The following CHM variants were observed in gnomAD, a reference collection of about 807,000 sequenced individuals.
CHM encodes the protein rab proteins geranylgeranyltransferase component A 1.
In CHM, 10 loss-of-function variants were observed where a neutral mutation model predicts 49.0. That is an observed-to-expected ratio of 0.20 (90% confidence interval 0.13 to 0.35). The LOEUF is 0.35. CHM is among the 10% of genes least tolerant of loss of function. The pLI, the probability that CHM is intolerant of heterozygous loss-of-function variation, is 1.00. For synonymous variants in CHM, 184 were observed against 167.5 expected (o/e 1.10, Z -0.76); for missense variants, 455 against 478.4 (o/e 0.95, Z 0.46).
chrX:85,911,120 T>G (rs1306395517), intron 9 of CHM, 141 bp downstream of exon 9: 2 of 17,948 alleles, frequency 1.1e-4, no homozygotes, highest in African/African-American at 2.8e-4. Flanking sequence ...GATATGTGTG[T>G]GTGTATATGT....
chrX:86,008,481 G>C (rs113756545), intron 2 of CHM, among the ~76,000 whole-genome samples: 42 of 111,181 alleles, frequency 3.8e-4, no homozygotes, highest in Middle Eastern at 4.2e-3. Context: ...TTTTATTGTT[G>C]TCTTCATGAT....
At chrX:85,879,902 G>A (rs1924655899) in intron 12 of CHM, among the ~76,000 whole-genome samples, 1 of 109,578 alleles carries the variant, frequency 9.1e-6, no homozygotes, top group East Asian at 2.9e-4. Flanking sequence ...AGTAGGGGGA[G>A]AAAGATACAC....
chrX:85,880,476 T>C (rs1924694370), intron 12 of CHM, among the ~76,000 whole-genome samples: 1 of 111,411 alleles, frequency 9.0e-6, no homozygotes, highest in Non-Finnish European at 1.9e-5. Flanking sequence ...GAAATACCAA[T>C]GCCCAAAGTT....
At position 85,911,924 on chromosome X, in the gene CHM, G is replaced by A. The variant is rs574116493; in HGVS notation, c.1167-586C>T. ...TTAATGCACACATAAGGAGAGGAGA[G>A]GCCTTAAGATCCAAACAAGGCAGTA... On this transcript the variant is annotated intron_variant, in intron 8 of 14. Coordinates refer to ENST00000357749, the MANE Select transcript of CHM (RefSeq NM_000390.4). 5.4e-5 allele frequency among the ~76,000 whole-genome samples: 6 copies of A among 110,557 alleles called. No individual in the cohort carries two copies. In the South Asian group the frequency reaches 1.9e-3, roughly 36 times the overall value.
At chrX:86,017,095 A>T (rs188501939) in intron 2 of CHM, among the ~76,000 whole-genome samples, 3 of 112,335 alleles carry the variant, frequency 2.7e-5, no homozygotes, top group African/African-American at 9.7e-5. Context: ...CATTTCTCCC[A>T]TTTGGAATGG....
chrX:86,021,147 T>C (rs867348051), intron 2 of CHM, among the ~76,000 whole-genome samples: 1 of 53,487 alleles, frequency 1.9e-5, no homozygotes. Flanking sequence ...TATATATATA[T>C]ATATATATAT....
rs1167691945 is a variant in CHM at position 86,026,102 on chromosome X, C to CTTTTTTTT, written c.116+1381_116+1388dup. ...CTGGGCTTTCAAGGTAGCAGATTTT[C>CTTTTTTTT]TTTTTTTTTTTTTTTTTTTTTTTTT... On this transcript the variant is annotated intron_variant, in intron 2 of 14. Coordinates refer to ENST00000357749, the MANE Select transcript of CHM (RefSeq NM_000390.4). 3.2e-3 allele frequency among the ~76,000 whole-genome samples: 85 copies of CTTTTTTTT among 26,761 alleles called. 27 individuals are homozygous for CTTTTTTTT. Among genetic ancestry groups the CTTTTTTTT allele is most frequent in the East Asian group, 5.4e-3 (3 of 559 alleles). 23.2% of individuals were successfully genotyped at this position (26,761 alleles called of 115,157 possible). A position where few individuals can be genotyped will look rare whatever the true frequency, so the allele number is the denominator to read the frequency against.
At chrX:85,964,516 G>C (rs1454543830) in intron 4 of CHM, among the ~76,000 whole-genome samples, 1 of 110,868 alleles carries the variant, frequency 9.0e-6, no homozygotes, top group Non-Finnish European at 1.9e-5. Context: ...ATTAAATTAA[G>C]TACTGCATGC....
At chrX:85,959,017 A>C in intron 5 of CHM, 40 bp from the exon 6 acceptor site, 1 of 1,199,479 alleles carries the variant, frequency 8.3e-7, no homozygotes, top group Non-Finnish European at 1.1e-6. Context: ...AAGTTGAAAT[A>C]GTAGAAAAAT....
At chrX:86,004,771 T>C (rs1331544841) in intron 2 of CHM, among the ~76,000 whole-genome samples, 6 of 111,297 alleles carry the variant, frequency 5.4e-5, no homozygotes, top group Non-Finnish European at 1.1e-4. Context: ...AGCAAGTCCT[T>C]AGAGACCTAC....
In CHM at chrX:85,864,259, T is replaced by A. The variant is rs1923550989; in HGVS notation, c.*371A>T. The A allele has an allele frequency of 5.7e-6, 1 of 174,886 alleles. No individual in the cohort carries two copies. The highest frequency in any genetic ancestry group is 1.1e-5 in the Non-Finnish European group (1 of 92,725). The allele number at this position is 174,886 out of a possible 1,213,427, so 14.4% of individuals were successfully genotyped here. A position where few individuals can be genotyped will look rare whatever the true frequency, so the allele number is the denominator to read the frequency against. On this transcript the variant is annotated 3_prime_UTR_variant, in exon 15 of 15. Transcript: ENST00000357749. ...TAACCAAAGAAAATACATGAGCTGG[T>A]TCTGAAAATGTGGCTTTCAAACAAA...
chrX:86,039,452 G>A (rs1444235286), intron 1 of CHM, among the ~76,000 whole-genome samples: 1 of 93,279 alleles, frequency 1.1e-5, no homozygotes, highest in African/African-American at 4.0e-5. Flanking sequence ...AATATAAAAT[G>A]ATTAAAACCA....
At position 86,040,964 on chromosome X, in the gene CHM, C is replaced by T. The variant is rs188793358; in HGVS notation, c.49+6520G>A. On this transcript the variant is annotated intron_variant, in intron 1 of 14. Coordinates refer to ENST00000357749, the MANE Select transcript of CHM (RefSeq NM_000390.4). ...TATATACAGAACAGGCACAGACTAACTTTTTAGTTAAAGAATGCACTGAGA... is the reference window on the plus strand; with the variant it reads ...TATATACAGAACAGGCACAGACTAATTTTTTAGTTAAAGAATGCACTGAGA... Among the ~76,000 whole-genome samples, 237 of 112,153 alleles carry T rather than the reference C, an allele frequency of 2.1e-3. 2 individuals carry two copies. The highest frequency in any genetic ancestry group is 7.1e-3 in the African/African-American group (219 of 30,884).
rs145192854 is a variant in CHM, at chrX:85,945,966, C to T, written c.1166+10187G>A. ...TGTTATGCCTAAGCAAAGACCTTGG[C>T]TGCGTTCTGTTCATGTCCGGGGGAT... is the stretch of plus-strand genomic sequence containing the variant. On this transcript the variant is annotated intron_variant, in intron 8 of 14. Transcript: ENST00000357749. Among the ~76,000 whole-genome samples, 17 of 112,141 alleles carry T rather than the reference C, an allele frequency of 1.5e-4. No homozygotes were observed. The East Asian group carries it at 4.8e-3, about 32-fold the overall frequency.
In CHM at chrX:86,027,482, T is replaced by C. The variant is rs1298789633; in HGVS notation, c.116+9A>G. 8 of 1,197,087 alleles carry C rather than the reference T, an allele frequency of 6.7e-6. No homozygotes were observed. Among genetic ancestry groups the C allele is most frequent in the Non-Finnish European group, 6.8e-6 (6 of 882,196 alleles). On this transcript the variant is annotated intron_variant, in intron 2 of 14. Transcript: ENST00000357749. ...AGGAAATATTAAATGCTATCGTTGATAAACTTACGAATCAACATGCAGAAC... is the reference window on the plus strand; with the variant it reads ...AGGAAATATTAAATGCTATCGTTGACAAACTTACGAATCAACATGCAGAAC...
intron 4 of CHM, among the ~76,000 whole-genome samples, chrX:85,977,771 C>A (rs1028863068): frequency 8.9e-6 from 1 of 112,035 alleles, no homozygotes; most frequent in Non-Finnish European, 1.9e-5. Context: ...TAGCATTATA[C>A]AAATTATAAT....
chrX:85,934,045 A>G (rs1315554447), intron 8 of CHM, among the ~76,000 whole-genome samples: 3 of 108,244 alleles, frequency 2.8e-5, no homozygotes, highest in East Asian at 2.9e-4. Context: ...CAGTAGCGCA[A>G]TCTCGGCTCA....
chrX:85,931,187 C>A (rs2148194324), intron 8 of CHM, among the ~76,000 whole-genome samples: 1 of 110,801 alleles, frequency 9.0e-6, no homozygotes, highest in South Asian at 3.9e-4. Flanking sequence ...CTTTCCTATC[C>A]AAATTCCTAA....
chrX:85,981,655 G>T (rs1931619078), intron 3 of CHM, 82 bp downstream of exon 3: 1 of 667,678 alleles, frequency 1.5e-6, no homozygotes, highest in Non-Finnish European at 2.3e-6. Context: ...TACAGGTGAA[G>T]CTTAGGGTTT....
Sources: gnomAD v4.1 joint callset for allele counts (sites outside exome capture counted in the v4.1 genomes callset) on GRCh38, gnomAD v4.1.1 for gene constraint, MANE v1.5 for transcripts, NCBI Gene and HGNC (gene_info 2026-07-23, HGNC 2026-07-21) for gene names.